MALT1: variants seen among roughly 807,000 people sequenced by gnomAD.
MALT1 encodes the protein MALT1 paracaspase.
In MALT1, 36 loss-of-function variants were observed where a neutral mutation model predicts 85.5. The observed-to-expected ratio is 0.42, with a 90% CI of 0.32 to 0.56. MALT1 has a LOEUF of 0.56. MALT1 is among the 20% of genes least tolerant of loss of function. The pLI is 0.10. For synonymous variants in MALT1, 359 were observed against 361.3 expected (o/e 0.99, Z 0.07); for missense variants, 716 against 981.6 (o/e 0.73, Z 3.62).
chr18:58,709,291 A>G, intron 4 of MALT1, 87 bp from the exon 5 acceptor site: 1 of 796,736 alleles, frequency 1.3e-6, no homozygotes, highest in Non-Finnish European at 1.9e-6. Context: ...TAACAAATGA[A>G]GGGGGAACTT....
chr18:58,681,432 T>C (rs1002500436), intron 2 of MALT1, 96 bp downstream of exon 2: 2 of 1,183,794 alleles, frequency 1.7e-6, no homozygotes, highest in African/African-American at 3.1e-5. Flanking sequence ...TTAAGTATTT[T>C]TGGAAAATGT....
chr18:58,729,633 C>CAG (rs2055118470), intron 10 of MALT1, among the ~76,000 whole-genome samples: 1 of 151,802 alleles, frequency 6.6e-6, no homozygotes, highest in Non-Finnish European at 1.5e-5. Flanking sequence ...AAAATAAGGG[C>CAG]AGAAATCACT....
chr18:58,692,240 T>C (rs2054516205), intron 2 of MALT1: 2 of 152,152 alleles, frequency 1.3e-5, no homozygotes, highest in African/African-American at 4.8e-5. Flanking sequence ...GGAGCCTCAG[T>C]GCTCATCTAG....
At chr18:58,723,285 T>C in intron 10 of MALT1, 34 bp downstream of exon 10, 4 of 1,490,576 alleles carry the variant, frequency 2.7e-6, no homozygotes, top group Non-Finnish European at 3.7e-6. Flanking sequence ...TTTACAATTA[T>C]CCATTATTCT....
At chr18:58,696,271 A>G (rs1415407973) in intron 2 of MALT1, 95 bp from the exon 3 acceptor site, 3 of 1,007,242 alleles carry the variant, frequency 3.0e-6, no homozygotes, top group Non-Finnish European at 1.3e-6. Flanking sequence ...TATGCAAGTT[A>G]TTTCTAAAAT....
chr18:58,673,438 A>G (rs1657349738), intron 1 of MALT1, among the ~76,000 whole-genome samples: 1 of 151,704 alleles, frequency 6.6e-6, no homozygotes, highest in Non-Finnish European at 1.5e-5. Flanking sequence ...ATTCTTCTTT[A>G]TTCTTCTTAT....
rs1346393511 is a variant in MALT1, at chr18:58,753,229, C to T, written c.*5387C>T. ...TTGTTGTTGTCTTTTGAGTCTCACT[C>T]TGTCTCCCAGGCTGTAGTGCAGTGG... On this transcript the variant is annotated 3_prime_UTR_variant, in exon 17 of 17. Coordinates refer to ENST00000649217, the MANE Select transcript of MALT1 (RefSeq NM_006785.4). 6.6e-6 allele frequency: 1 copy of T among 152,064 alleles called. No homozygotes were observed. The highest frequency in any genetic ancestry group is 1.5e-5 in the Non-Finnish European group (1 of 68,026). The allele number at this position is 152,064 out of a possible 1,614,324, so 9.4% of individuals were successfully genotyped here. A position where few individuals can be genotyped will look rare whatever the true frequency, so the allele number is the denominator to read the frequency against.
intron 2 of MALT1, among the ~76,000 whole-genome samples, chr18:58,695,267 T>C (rs2054571145): frequency 6.6e-6 from 1 of 152,214 alleles, no homozygotes; most frequent in Admixed American, 6.5e-5. Context: ...CTCTTACCAC[T>C]TGAGCCTCTC....
At chr18:58,728,466 A>G (rs1362934566) in intron 10 of MALT1, among the ~76,000 whole-genome samples, 1 of 152,140 alleles carries the variant, frequency 6.6e-6, no homozygotes, top group Non-Finnish European at 1.5e-5. Context: ...TTAGCCAGGC[A>G]TGGTGGCACA....
chr18:58,727,628 G>GTTTT (rs74183292), intron 10 of MALT1, among the ~76,000 whole-genome samples: 1 of 130,638 alleles, frequency 7.7e-6, no homozygotes, highest in Non-Finnish European at 1.6e-5. Flanking sequence ...TTTTTTTTTT[G>GTTTT]TTTTTTTTTT....
intron 1 of MALT1, among the ~76,000 whole-genome samples, chr18:58,675,921 C>T (rs1031394406): frequency 2.0e-5 from 3 of 152,206 alleles, no homozygotes; most frequent in African/African-American, 7.2e-5. Context: ...CCCTTATAAA[C>T]CTCTTTCTTT....
chr18:58,706,441 C>T (rs956098012), intron 4 of MALT1, among the ~76,000 whole-genome samples: 3 of 152,294 alleles, frequency 2.0e-5, no homozygotes, highest in South Asian at 2.1e-4. Flanking sequence ...AGGCGTGAGC[C>T]ACCGCGCCCA....
chr18:58,724,123 TAA>T (rs1447832925), intron 10 of MALT1, among the ~76,000 whole-genome samples: 4 of 152,268 alleles, frequency 2.6e-5, no homozygotes, highest in African/African-American at 9.6e-5. Context: ...TATTTTATTT[TAA>T]TAATTTCTGA....
intron 13 of MALT1, among the ~76,000 whole-genome samples, chr18:58,737,235 T>C (rs2055235290): frequency 6.6e-6 from 1 of 152,196 alleles, no homozygotes; most frequent in Non-Finnish European, 1.5e-5. Flanking sequence ...ATCCCAGCAT[T>C]TGGGGAGGCT....
At chr18:58,683,632 T>C (rs1216447316) in intron 2 of MALT1, among the ~76,000 whole-genome samples, 2 of 152,258 alleles carry the variant, frequency 1.3e-5, no homozygotes, top group Non-Finnish European at 2.9e-5. Context: ...TTTTTATTTT[T>C]GACAGGCCAG....
intron 5 of MALT1, 54 bp downstream of exon 5, chr18:58,709,610 T>C: frequency 7.2e-7 from 1 of 1,391,466 alleles, no homozygotes; most frequent in Non-Finnish European, 9.8e-7. Flanking sequence ...AAACAAATGG[T>C]ACAATTGAAA....
intron 10 of MALT1, among the ~76,000 whole-genome samples, chr18:58,725,894 C>T (rs1198770084): frequency 6.6e-6 from 1 of 152,114 alleles, no homozygotes; most frequent in Non-Finnish European, 1.5e-5. Context: ...AACCCCGTCT[C>T]TACTAAAAGT....
chr18:58,700,514 G>A lies in MALT1; in HGVS notation c.572G>A (p.Arg191Gln). ...HVKDAGFYVC[R>Q]VNNNFTFEFS... ...AAAGATGCAGGCTTTTATGTCTGTC[G>A]AGTTAATAACAATTTCACCTTTGAA... The change falls in exon 4 of 17, where the codon CGA becomes CAA. Residue 191 changes from arginine to glutamine, a missense_variant. Physicochemically the swap from Arg to Gln is conservative, Grantham distance 43. Transcript: ENST00000649217. 3 of 1,613,086 alleles carry A rather than the reference G, an allele frequency of 1.9e-6. No homozygotes were observed. The highest frequency in any genetic ancestry group is 8.5e-7 in the Non-Finnish European group (1 of 1,179,662).
chr18:58,723,653 A>T (rs903307627), intron 10 of MALT1, among the ~76,000 whole-genome samples: 1 of 152,124 alleles, frequency 6.6e-6, no homozygotes, highest in Non-Finnish European at 1.5e-5. Context: ...TATATTTTGT[A>T]TGTTTCCTTT....
Sources: allele counts gnomAD v4.1 joint callset (sites outside exome capture counted in the v4.1 genomes callset), GRCh38; gene constraint gnomAD v4.1.1; transcripts MANE v1.5; gene names NCBI Gene and HGNC (gene_info 2026-07-23, HGNC 2026-07-21).